Variants in SORCS2 observed in about 807,000 individuals in gnomAD.
SORCS2 encodes VPS10 domain-containing receptor SorCS2.
In SORCS2, 100 loss-of-function variants were observed where a neutral mutation model predicts 141.6. That is an observed-to-expected ratio of 0.71 (90% CI 0.60 to 0.83). The LOEUF is 0.83. Ranked by LOEUF, SORCS2 falls within the 40% of genes least tolerant of loss-of-function variation. The probability of loss-of-function intolerance (pLI) is 0.00; values close to 1 mark genes in which losing one functional copy is unlikely to be tolerated. For synonymous variants in SORCS2, 789 were observed against 676.9 expected (o/e 1.17, Z -2.57); for missense variants, 1,646 against 1,560.2 (o/e 1.05, Z -0.93).
Position 7,235,863 on chromosome 4 carries a change from G to A in SORCS2, c.480+42737G>A, listed in dbSNP as rs560606144. Among the ~76,000 whole-genome samples, 87 of 152,334 alleles carry A rather than the reference G, an allele frequency of 5.7e-4. No individual in the cohort carries two copies. In the South Asian group the frequency reaches 6.0e-3, roughly 11 times the overall value. On this transcript the variant is annotated intron_variant, in intron 1 of 26. Coordinates refer to ENST00000507866, the MANE Select transcript of SORCS2 (RefSeq NM_020777.3). ...CGGGCAGCTTATCGTGGCAGGCGAT[G>A]TTGCTAGCGCTGCAATTCCATTTAG...
intron 3 of SORCS2, among the ~76,000 whole-genome samples, chr4:7,541,622 C>G (rs1712668701): frequency 6.6e-6 from 1 of 152,208 alleles, no homozygotes; most frequent in African/African-American, 2.4e-5. Flanking sequence ...CTCAAGTGGT[C>G]TGCCCTTTTT....
At chr4:7,226,310 C>G (rs926110784) in intron 1 of SORCS2, among the ~76,000 whole-genome samples, 2 of 152,190 alleles carry the variant, frequency 1.3e-5, no homozygotes, top group Non-Finnish European at 2.9e-5. Flanking sequence ...GCCCAAGGAG[C>G]AGAGCCTGGA....
At chr4:7,307,403 A>G (rs1166397409) in intron 1 of SORCS2, among the ~76,000 whole-genome samples, 1 of 152,180 alleles carries the variant, frequency 6.6e-6, no homozygotes, top group African/African-American at 2.4e-5. Flanking sequence ...CCCTTTTCCT[A>G]CCATTGCTGT....
chr4:7,714,692 C>T lies in SORCS2; in HGVS notation c.2123+319C>T, dbSNP rs541001098. ...GTGCTGCACCCACCCCAGCCCTTCT[C>T]CATCCAGGGACTCTGCTGAAAGCCA... On this transcript the variant is annotated intron_variant, in intron 16 of 26. Transcript: ENST00000507866. Among the ~76,000 whole-genome samples the T allele has an allele frequency of 2.3e-3, 347 of 152,330 alleles. 1 individual carries two copies. The highest frequency in any genetic ancestry group is 3.4e-3 in the Non-Finnish European group (234 of 68,022).
chr4:7,724,142 A>ATAG (rs1560112934), intron 19 of SORCS2, among the ~76,000 whole-genome samples: 32 of 99,398 alleles, frequency 3.2e-4, no homozygotes, highest in African/African-American at 1.2e-3. Flanking sequence ...GGTGGTGGTG[A>ATAG]TGGTCGTGGT....
chr4:7,653,963 G>C lies in SORCS2; in HGVS notation c.814-171G>C, dbSNP rs547066908. ...GGGGACAGGAATGGTTCCTCCTGGA[G>C]GCGGTGGGGTTTGGTCTGCATCCCA... On this transcript the variant is annotated intron_variant, in intron 4 of 26. Coordinates refer to ENST00000507866, the MANE Select transcript of SORCS2 (RefSeq NM_020777.3). Among the ~76,000 whole-genome samples the C allele has an allele frequency of 5.3e-5, 8 of 152,350 alleles. No homozygotes were observed. The East Asian group carries it at 9.7e-4, about 18-fold the overall frequency.
At chr4:7,649,572 C>A (rs773857808) in intron 4 of SORCS2, among the ~76,000 whole-genome samples, 1 of 152,032 alleles carries the variant, frequency 6.6e-6, no homozygotes, top group Non-Finnish European at 1.5e-5. Flanking sequence ...ACAGTTGCAT[C>A]TGAAGCGTGG....
intron 1 of SORCS2, among the ~76,000 whole-genome samples, chr4:7,210,602 G>A (rs911660218): frequency 1.4e-4 from 22 of 152,176 alleles, no homozygotes; most frequent in Admixed American, 1.3e-4. Context: ...CCTTGATGCA[G>A]TGCCCAAGAT....
chr4:7,438,676 T>G (rs1193943403), intron 2 of SORCS2, among the ~76,000 whole-genome samples: 2 of 152,048 alleles, frequency 1.3e-5, no homozygotes, highest in Non-Finnish European at 2.9e-5. Flanking sequence ...TCCTCTTTCC[T>G]TTTTTCTTTT....
Position 7,712,646 on chromosome 4 carries a change from C to G in SORCS2, c.1869-87C>G, listed in dbSNP as rs16840879. 2.8e-3 allele frequency: 4,320 copies of G among 1,563,898 alleles called. 98 individuals carry two copies. The African/African-American group carries it at 0.053, about 19-fold the overall frequency. On this transcript the variant is annotated intron_variant, in intron 14 of 26. Coordinates refer to ENST00000507866, the MANE Select transcript of SORCS2 (RefSeq NM_020777.3). ...TCTGTGCCCATGGTACAGGTAGGAA[C>G]AGAGTCCAGAGGGGACATGATTTGC...
chr4:7,600,759 C>T (rs959745024), intron 3 of SORCS2, among the ~76,000 whole-genome samples: 1 of 151,878 alleles, frequency 6.6e-6, no homozygotes, highest in Admixed American at 6.6e-5. Context: ...ATTATATTAG[C>T]AACTTTTATC....
At chr4:7,278,069 G>A (rs1276808039) in intron 1 of SORCS2, among the ~76,000 whole-genome samples, 1 of 152,164 alleles carries the variant, frequency 6.6e-6, no homozygotes, top group East Asian at 1.9e-4. Flanking sequence ...CTCAGCAATT[G>A]GCTGAAGATT....
At chr4:7,202,519 A>G (rs1489300848) in intron 1 of SORCS2, among the ~76,000 whole-genome samples, 1 of 151,900 alleles carries the variant, frequency 6.6e-6, no homozygotes, top group Admixed American at 6.6e-5. Context: ...AAATAACAGC[A>G]CTCTCCTTCC....
At chr4:7,620,381 C>G (rs1719083876) in intron 3 of SORCS2, among the ~76,000 whole-genome samples, 2 of 152,246 alleles carry the variant, frequency 1.3e-5, no homozygotes, top group Non-Finnish European at 2.9e-5. Flanking sequence ...ACAAGACATC[C>G]TGCTCCTGCC....
chr4:7,336,328 C>T (rs1191944964), intron 1 of SORCS2, among the ~76,000 whole-genome samples: 1 of 152,150 alleles, frequency 6.6e-6, no homozygotes. Flanking sequence ...GCGGTGTCTC[C>T]CAGTGGAGAG....
chr4:7,654,774 T>C (rs1231558537), intron 5 of SORCS2, among the ~76,000 whole-genome samples: 1 of 152,150 alleles, frequency 6.6e-6, no homozygotes, highest in Non-Finnish European at 1.5e-5. Flanking sequence ...CAGGATAAGT[T>C]TGGGGTTGTA....
At chr4:7,257,670 G>A (rs887771335) in intron 1 of SORCS2, among the ~76,000 whole-genome samples, 1 of 152,192 alleles carries the variant, frequency 6.6e-6, no homozygotes, top group African/African-American at 2.4e-5. Context: ...GTGGTGACAG[G>A]AAGAGAAGTG....
intron 3 of SORCS2, among the ~76,000 whole-genome samples, chr4:7,570,458 T>G (rs1017694690): frequency 2.0e-5 from 3 of 152,258 alleles, no homozygotes; most frequent in African/African-American, 7.2e-5. Flanking sequence ...CCCTGCAGGC[T>G]GGAGGCGCCC....
At chr4:7,240,634 G>C (rs375221794) in intron 1 of SORCS2, among the ~76,000 whole-genome samples, 1 of 152,190 alleles carries the variant, frequency 6.6e-6, no homozygotes, top group African/African-American at 2.4e-5. Context: ...GGGCTGGGCT[G>C]TGTCTGCATG....
Sources: gnomAD v4.1 joint callset for allele counts (sites outside exome capture counted in the v4.1 genomes callset) on GRCh38, gnomAD v4.1.1 for gene constraint, MANE v1.5 for transcripts, NCBI Gene and HGNC (gene_info 2026-07-23, HGNC 2026-07-21) for gene names.